The following MYOM2 variants were observed in gnomAD, a reference collection of about 807,000 sequenced individuals.
MYOM2 encodes myomesin-2.
In MYOM2, 254 loss-of-function variants were observed where a neutral mutation model predicts 187.6. The ratio of observed to expected loss-of-function variants is 1.35; its 90% CI spans 1.22 to 1.50. The LOEUF is 1.50. MYOM2 is among the 40% of genes most tolerant of loss of function. MYOM2 has a pLI of 0.00. For missense variants in MYOM2, 2,796 were observed against 1,924.0 expected (o/e 1.45, Z -8.48); for synonymous variants, 981 against 753.8 (o/e 1.30, Z -4.94).
intron 1 of MYOM2, among the ~76,000 whole-genome samples, chr8:2,048,199 T>A (rs1365589789): frequency 1.3e-5 from 2 of 152,232 alleles, no homozygotes; most frequent in African/African-American, 4.8e-5. Context: ...TGGGGATTGC[T>A]CATGCGTCTG....
intron 12 of MYOM2, 108 bp downstream of exon 12, chr8:2,079,041 C>G (rs1563437684): frequency 5.6e-6 from 6 of 1,070,456 alleles, no homozygotes; most frequent in Non-Finnish European, 7.0e-6. Flanking sequence ...CTGAGAATGC[C>G]CTGTGTGCAG....
In MYOM2 at chr8:2,058,220, T is replaced by C. The variant is rs189065005; in HGVS notation, c.560+440T>C. Among the ~76,000 whole-genome samples, 151 of 152,106 alleles carry C rather than the reference T, an allele frequency of 9.9e-4. 4 individuals carry two copies. Among genetic ancestry groups the C allele is most frequent in the Non-Finnish European group, 3.5e-4 (24 of 67,992 alleles). On this transcript the variant is annotated intron_variant, in intron 5 of 36. Coordinates refer to ENST00000262113, the MANE Select transcript of MYOM2 (RefSeq NM_003970.4). ...TTTTAGTAGAGATGGGGTTTCACCA[T>C]GTTGGCCAGGCTGATCTCAAACTCC...
chr8:2,129,286 C>T lies in MYOM2; in HGVS notation c.3800+54C>T, dbSNP rs900708829. 8.3e-5 allele frequency: 106 copies of T among 1,278,564 alleles called. 1 individual carries two copies. The South Asian group carries it at 9.0e-4, about 11-fold the overall frequency. The allele number at this position is 1,278,564 out of a possible 1,614,324, so 79.2% of individuals were successfully genotyped here. ...ATGCCATAGATGGGGCTGTCCAGGG[C>T]GCACAGCTGGGACCAGGCGCTCCCT... On this transcript the variant is annotated intron_variant, in intron 32 of 36. Transcript: ENST00000262113.
rs1390419647 is a variant in MYOM2 at position 2,063,076 on chromosome 8, A to G, written c.653+3831A>G. On this transcript the variant is annotated intron_variant, in intron 6 of 36. Transcript: ENST00000262113. ...GCAAATATTTGGGAAACTTGGGAAA[A>G]GGAAACTTCCAAGACCACCTTTTGT... Among the ~76,000 whole-genome samples the G allele has an allele frequency of 1.3e-5, 2 of 152,194 alleles. 1 individual carries two copies. Among genetic ancestry groups the G allele is most frequent in the Non-Finnish European group, 2.9e-5 (2 of 68,034 alleles).
At chr8:2,075,399 G>A (rs549112548) in intron 10 of MYOM2, among the ~76,000 whole-genome samples, 52 of 152,264 alleles carry the variant, frequency 3.4e-4, no homozygotes, top group African/African-American at 1.0e-3. Context: ...CATTTTCATC[G>A]CTTTCTGAGG....
At chr8:2,117,828 A>G in intron 27 of MYOM2, 57 bp from the exon 28 acceptor site, 5 of 1,231,258 alleles carry the variant, frequency 4.1e-6, no homozygotes, top group Non-Finnish European at 3.5e-6. Flanking sequence ...ATAGCTATAT[A>G]TTTATTTGTT....
chr8:2,127,107 G>A (rs192131698), intron 31 of MYOM2, among the ~76,000 whole-genome samples: 2 of 152,034 alleles, frequency 1.3e-5, no homozygotes, highest in African/African-American at 4.8e-5. Context: ...TTGGTCTCAT[G>A]AGTCAGTGTC....
chr8:2,138,422 C>T (rs1023534643), intron 32 of MYOM2, among the ~76,000 whole-genome samples: 1 of 152,116 alleles, frequency 6.6e-6, no homozygotes, highest in African/African-American at 2.4e-5. Flanking sequence ...AGGTCAGCAA[C>T]GTATAGAATT....
chr8:2,129,082 C>T (rs1370899812), intron 31 of MYOM2, 45 bp from the exon 32 acceptor site: 1 of 1,398,996 alleles, frequency 7.1e-7, no homozygotes, highest in Admixed American at 1.7e-5. Context: ...GATCACACAG[C>T]AGGCACTCCT....
chr8:2,121,921 G>A (rs1797473101), intron 28 of MYOM2, among the ~76,000 whole-genome samples: 4 of 152,184 alleles, frequency 2.6e-5, no homozygotes, highest in African/African-American at 9.7e-5. Flanking sequence ...GTTTATGGTA[G>A]AGAGAATTTG....
At chr8:2,074,562 C>G (rs1466817184) in intron 10 of MYOM2, among the ~76,000 whole-genome samples, 1 of 152,168 alleles carries the variant, frequency 6.6e-6, no homozygotes, top group Non-Finnish European at 1.5e-5. Context: ...TCAAGCGATT[C>G]TCCTGCCTCA....
At chr8:2,080,824 G>A (rs1395130620) in intron 13 of MYOM2, among the ~76,000 whole-genome samples, 1 of 143,926 alleles carries the variant, frequency 6.9e-6, no homozygotes, top group East Asian at 1.9e-4. Flanking sequence ...GCCTCCGGGA[G>A]GAACAGGCAG....
chr8:2,128,082 A>G (rs1314643204), intron 31 of MYOM2, among the ~76,000 whole-genome samples: 1 of 152,186 alleles, frequency 6.6e-6, no homozygotes, highest in Non-Finnish European at 1.5e-5. Context: ...ACTTTAAAAA[A>G]TAATTACTTA....
chr8:2,124,829 T>C (rs1797581928), intron 31 of MYOM2, among the ~76,000 whole-genome samples: 1 of 152,188 alleles, frequency 6.6e-6, no homozygotes, highest in South Asian at 2.1e-4. Context: ...TAATTTGCAT[T>C]TCCCTGATGA....
chr8:2,111,688 A>G (rs1797072973), intron 25 of MYOM2, among the ~76,000 whole-genome samples: 1 of 152,158 alleles, frequency 6.6e-6, no homozygotes, highest in Non-Finnish European at 1.5e-5. Context: ...TACCTCCAAG[A>G]GCGACGTCAG....
In MYOM2 at chr8:2,072,378, T is replaced by A; in HGVS notation, c.827T>A (p.Phe276Tyr). The A allele has an allele frequency of 6.2e-7, 1 of 1,614,152 alleles. No individual in the cohort carries two copies. The highest frequency in any genetic ancestry group is 8.5e-7 in the Non-Finnish European group (1 of 1,180,020). Residue 276 changes from phenylalanine to tyrosine, a missense_variant, in exon 9 of 37, where the codon TTC (phenylalanine) becomes TAC (tyrosine). By Grantham distance (22) the Phe-to-Tyr change is conservative. Coordinates refer to ENST00000262113, the MANE Select transcript of MYOM2 (RefSeq NM_003970.4). Reference sequence around the variant, plus strand: ...TCATCGATGATTCCGTACACGCACTTCGACGTCCAGTTTTTGGAGAAGTTT... The same window carrying A: ...TCATCGATGATTCCGTACACGCACTACGACGTCCAGTTTTTGGAGAAGTTT... ...PLSSMIPYTHFDVQFLEKFGV... is the reference protein window; with the variant it reads ...PLSSMIPYTHYDVQFLEKFGV...
At chr8:2,114,963 C>G (rs532206902) in intron 25 of MYOM2, among the ~76,000 whole-genome samples, 3 of 152,034 alleles carry the variant, frequency 2.0e-5, no homozygotes, top group Admixed American at 2.0e-4. Context: ...CATATATTGG[C>G]AAAGACCAAT....
chr8:2,062,770 G>A (rs1393243005), intron 6 of MYOM2, among the ~76,000 whole-genome samples: 2 of 152,130 alleles, frequency 1.3e-5, no homozygotes, highest in Non-Finnish European at 2.9e-5. Context: ...TGAATGTTTA[G>A]GGGTAAGTAG....
At chr8:2,090,256 C>A in intron 15 of MYOM2, 65 bp downstream of exon 15, 6 of 1,468,752 alleles carry the variant, frequency 4.1e-6, no homozygotes, top group Non-Finnish European at 5.6e-6. Flanking sequence ...ACCAAATAGC[C>A]TTAAATTGTG....
Sources: gnomAD v4.1 joint callset for allele counts (sites outside exome capture counted in the v4.1 genomes callset) on GRCh38, gnomAD v4.1.1 for gene constraint, MANE v1.5 for transcripts, NCBI Gene and HGNC (gene_info 2026-07-23, HGNC 2026-07-21) for gene names.